SDHAF3: variants seen among roughly 807,000 people sequenced by gnomAD.
SDHAF3 encodes the protein succinate dehydrogenase complex assembly factor 3.
Under a neutral mutation model 11.5 loss-of-function variants are expected in SDHAF3, and 18 were observed. That is an observed-to-expected ratio of 1.56 (90% CI 1.08 to 2.32). The LOEUF (loss-of-function observed/expected upper bound fraction) is 2.32. Among genes scored for constraint, SDHAF3 ranks in the 30% most tolerant of loss-of-function variants. SDHAF3 has a pLI of 0.00. For missense variants in SDHAF3, 200 were observed against 154.4 expected (o/e 1.30, Z -1.57); for synonymous variants, 72 against 59.3 (o/e 1.21, Z -0.99).
intron 1 of SDHAF3, among the ~76,000 whole-genome samples, chr7:97,173,550 T>TTA (rs1348293153): frequency 1.5e-5 from 1 of 66,608 alleles, no homozygotes; most frequent in Non-Finnish European, 2.9e-5. Flanking sequence ...ATTAGAATTT[T>TTA]TTTTTTTTTT....
chr7:97,133,833 C>G (rs114544595), intron 1 of SDHAF3, among the ~76,000 whole-genome samples: 3,811 of 152,210 alleles, frequency 0.025, 149 homozygotes, highest in African/African-American at 0.088. Context: ...CTCTAAAACA[C>G]TAAAATATTT....
intron 1 of SDHAF3, among the ~76,000 whole-genome samples, chr7:97,153,157 C>T (rs1485135240): frequency 2.0e-5 from 3 of 152,190 alleles, no homozygotes; most frequent in Non-Finnish European, 1.5e-5. Context: ...GTTAAAGTCA[C>T]GATGCAGTTG....
At chr7:97,164,713 C>T (rs984028514) in intron 1 of SDHAF3, among the ~76,000 whole-genome samples, 2 of 152,028 alleles carry the variant, frequency 1.3e-5, no homozygotes, top group Non-Finnish European at 2.9e-5. Context: ...CATTTATGCC[C>T]TAAGTCATCT....
intron 1 of SDHAF3, among the ~76,000 whole-genome samples, chr7:97,165,045 G>A (rs539104178): frequency 6.6e-6 from 1 of 152,250 alleles, no homozygotes; most frequent in South Asian, 2.1e-4. Flanking sequence ...AGCACTTTGG[G>A]AGGCTGAGGT....
intron 1 of SDHAF3, among the ~76,000 whole-genome samples, chr7:97,147,574 A>G (rs1379315580): frequency 1.3e-5 from 2 of 152,230 alleles, no homozygotes; most frequent in African/African-American, 4.8e-5. Context: ...TCTAAAATCT[A>G]TATGATAGGC....
chr7:97,165,357 C>CTTTTTTTTTTTTTTT (rs10653828), intron 1 of SDHAF3, among the ~76,000 whole-genome samples: 1 of 77,024 alleles, frequency 1.3e-5, no homozygotes, highest in Admixed American at 1.7e-4. Context: ...ATTTTCCTAC[C>CTTTTTTTTTTTTTTT]TTTTTTTTTT....
At chr7:97,139,430 C>T (rs570259715) in intron 1 of SDHAF3, among the ~76,000 whole-genome samples, 27 of 152,180 alleles carry the variant, frequency 1.8e-4, no homozygotes, top group African/African-American at 6.3e-4. Flanking sequence ...AACAAAGGCA[C>T]CACTCAAAAG....
intron 1 of SDHAF3, among the ~76,000 whole-genome samples, chr7:97,173,809 C>T (rs181515641): frequency 1.3e-5 from 2 of 152,278 alleles, no homozygotes; most frequent in African/African-American, 2.4e-5. Context: ...ACCTCTGCCT[C>T]CCAAAGTGCT....
chr7:97,161,726 G>A (rs1472260958), intron 1 of SDHAF3, among the ~76,000 whole-genome samples: 2 of 152,084 alleles, frequency 1.3e-5, no homozygotes. Context: ...GAGAATGATG[G>A]TTTCCAGCTT....
At chr7:97,168,094 C>A (rs970458278) in intron 1 of SDHAF3, among the ~76,000 whole-genome samples, 11 of 152,150 alleles carry the variant, frequency 7.2e-5, no homozygotes, top group Non-Finnish European at 1.2e-4. Flanking sequence ...GGTATTCAGT[C>A]TGTGAGGTGG....
chr7:97,128,737 C>G (rs1791617990), intron 1 of SDHAF3, among the ~76,000 whole-genome samples: 1 of 152,088 alleles, frequency 6.6e-6, no homozygotes, highest in Admixed American at 6.6e-5. Context: ...TTCCTTATTA[C>G]TATTTTATTA....
intron 1 of SDHAF3, among the ~76,000 whole-genome samples, chr7:97,148,879 T>C (rs544709263): frequency 9.7e-4 from 148 of 152,118 alleles, no homozygotes; most frequent in Middle Eastern, 3.4e-3. Context: ...ATTGTCTCCA[T>C]GTACAGTAAT....
intron 1 of SDHAF3, among the ~76,000 whole-genome samples, chr7:97,125,022 A>G (rs1791554905): frequency 6.6e-6 from 1 of 152,180 alleles, no homozygotes; most frequent in South Asian, 2.1e-4. Context: ...AACTTCCAAT[A>G]CTACGTTGAA....
chr7:97,117,914 T>C lies in SDHAF3; in HGVS notation c.174+17T>C. On this transcript the variant is annotated intron_variant, in intron 1 of 1. Transcript: ENST00000432641. ...GAATGGGAGGCAAGTGACGCTCCCT[T>C]CTCTTTGCCCAAGACCTTTGGGGTT... The C allele has an allele frequency of 6.2e-7, 1 of 1,612,764 alleles. No homozygotes were observed. Among genetic ancestry groups the C allele is most frequent in the South Asian group, 1.1e-5 (1 of 90,920 alleles).
chr7:97,181,085 C>A lies in SDHAF3; in HGVS notation c.248C>A (p.Thr83Asn). The change falls in exon 2 of 2, where the codon ACC (threonine) becomes AAC (asparagine). Residue 83 changes from threonine (T) to asparagine (N), a missense_variant. Physicochemically the swap from Thr to Asn is moderately conservative, Grantham distance 65. Coordinates refer to ENST00000432641, the MANE Select transcript of SDHAF3 (RefSeq NM_020186.3). ...QNSTGKACFG[T>N]FLPEEKLNDF... The stretch of plus-strand genomic sequence containing the variant: ...TCAACTGGAAAAGCATGTTTTGGCA[C>A]CTTCCTCCCAGAAGAAAAACTTAAT... 1 of 1,613,984 alleles carries A rather than the reference C, an allele frequency of 6.2e-7. No individual in the cohort carries two copies.
chr7:97,150,014 T>G (rs528545373), intron 1 of SDHAF3, among the ~76,000 whole-genome samples: 1 of 152,240 alleles, frequency 6.6e-6, no homozygotes, highest in Non-Finnish European at 1.5e-5. Context: ...CAGGAGTAGA[T>G]TCCATTTGAA....
Position 97,117,734 on chromosome 7 carries a change from G to C in SDHAF3, c.11G>C (p.Arg4Pro). The change falls in exon 1 of 2, where the codon CGG (arginine) becomes CCG (proline). Residue 4 changes from arginine to proline, a missense_variant. Coordinates refer to ENST00000432641, the MANE Select transcript of SDHAF3 (RefSeq NM_020186.3). Reference sequence around the variant, plus strand: ...TCGGCGTGGGGCGCTATGCCGGGGCGGCACGTTTCTCGAGTCCGGGCATTG... The same window carrying C: ...TCGGCGTGGGGCGCTATGCCGGGGCCGCACGTTTCTCGAGTCCGGGCATTG... Reference protein sequence around the residue: MPGRHVSRVRALYK... With the variant: MPGPHVSRVRALYK... The C allele has an allele frequency of 1.9e-6, 3 of 1,612,866 alleles. No individual in the cohort carries two copies. Among genetic ancestry groups the C allele is most frequent in the Non-Finnish European group, 2.5e-6 (3 of 1,179,428 alleles).
At chr7:97,147,703 A>G (rs974580074) in intron 1 of SDHAF3, among the ~76,000 whole-genome samples, 5 of 152,166 alleles carry the variant, frequency 3.3e-5, no homozygotes, top group African/African-American at 7.2e-5. Flanking sequence ...CCAAGTGTCA[A>G]TTTGACAGCA....
intron 1 of SDHAF3, among the ~76,000 whole-genome samples, chr7:97,177,981 T>C (rs1789709978): frequency 6.6e-6 from 1 of 152,212 alleles, no homozygotes; most frequent in Non-Finnish European, 1.5e-5. Flanking sequence ...TCCTGGACAC[T>C]GTAAATGATA....
Sources: gnomAD v4.1 joint callset for allele counts (sites outside exome capture counted in the v4.1 genomes callset) on GRCh38, gnomAD v4.1.1 for gene constraint, MANE v1.5 for transcripts, NCBI Gene and HGNC (gene_info 2026-07-23, HGNC 2026-07-21) for gene names.